Variants in MTUS2 observed in about 807,000 individuals in gnomAD.
The protein encoded by MTUS2 is microtubule-associated tumor suppressor candidate 2.
In MTUS2, 40 loss-of-function variants were observed where a neutral mutation model predicts 114.1. The ratio of observed to expected loss-of-function variants is 0.35; its 90% CI spans 0.27 to 0.46. The LOEUF is 0.46. MTUS2 is among the 20% of genes least tolerant of loss of function. MTUS2 has a pLI of 1.00. For missense variants in MTUS2, 1,679 were observed against 1,705.4 expected (o/e 0.98, Z 0.27); for synonymous variants, 688 against 672.0 (o/e 1.02, Z -0.37).
chr13:28,829,010 A>T lies in MTUS2; in HGVS notation c.-316+8399A>T, dbSNP rs74529029. Among the ~76,000 whole-genome samples the T allele has an allele frequency of 2.6e-5, 4 of 152,332 alleles. No individual in the cohort carries two copies. The East Asian group carries it at 7.7e-4, about 29-fold the overall frequency. ...ACACATCTGAATTATTGGAGTAAAG[A>T]CATTCTGAAAAGTCTCTCCTGCACA... On this transcript the variant is annotated intron_variant, in intron 1 of 15. Coordinates refer to ENST00000612955, the MANE Select transcript of MTUS2 (RefSeq NM_001033602.4).
At chr13:28,873,847 A>G (rs940975965) in intron 2 of MTUS2, among the ~76,000 whole-genome samples, 4 of 152,220 alleles carry the variant, frequency 2.6e-5, no homozygotes, top group Admixed American at 2.6e-4. Flanking sequence ...AAAATTGATT[A>G]TTTTTACAAA....
At chr13:29,347,142 A>G (rs1868777814) in intron 7 of MTUS2, among the ~76,000 whole-genome samples, 2 of 152,076 alleles carry the variant, frequency 1.3e-5, no homozygotes, top group South Asian at 4.2e-4. Flanking sequence ...TGCTCTGTCC[A>G]TCTGAATGGG....
At chr13:28,878,876 T>C (rs534180740) in intron 2 of MTUS2, among the ~76,000 whole-genome samples, 1 of 152,308 alleles carries the variant, frequency 6.6e-6, no homozygotes, top group East Asian at 1.9e-4. Context: ...CAAATGGTAT[T>C]CTGGTTCTAG....
chr13:29,360,511 TA>T (rs1245582512), intron 8 of MTUS2, among the ~76,000 whole-genome samples: 1 of 152,184 alleles, frequency 6.6e-6, no homozygotes, highest in African/African-American at 2.4e-5. Flanking sequence ...GTTGTGGTAT[TA>T]AATGACAAGA....
intron 7 of MTUS2, among the ~76,000 whole-genome samples, chr13:29,351,620 T>C (rs1593337418): frequency 6.6e-6 from 1 of 152,200 alleles, no homozygotes; most frequent in Non-Finnish European, 1.5e-5. Context: ...GTTTGTTTTT[T>C]TGAGACAGGG....
At chr13:29,442,634 A>ACATGGTATTCCC (rs11273920) in intron 9 of MTUS2, among the ~76,000 whole-genome samples, 2 of 152,152 alleles carry the variant, frequency 1.3e-5, no homozygotes, top group African/African-American at 4.8e-5. Context: ...CCAAACCAGC[A>ACATGGTATTCCC]CAGGGAGGCA....
intron 2 of MTUS2, among the ~76,000 whole-genome samples, chr13:29,009,401 C>G (rs1885741460): frequency 6.6e-6 from 1 of 151,540 alleles, no homozygotes; most frequent in Non-Finnish European, 1.5e-5. Flanking sequence ...AATGATATAT[C>G]AAAAATATTA....
chr13:29,382,556 A>C (rs1872294944), intron 8 of MTUS2, among the ~76,000 whole-genome samples: 1 of 152,184 alleles, frequency 6.6e-6, no homozygotes, highest in Non-Finnish European at 1.5e-5. Context: ...AAGTTTACGA[A>C]CTGAGTTCTT....
chr13:28,820,963 C>G (rs559424727), intron 1 of MTUS2, among the ~76,000 whole-genome samples: 19 of 152,252 alleles, frequency 1.2e-4, no homozygotes, highest in African/African-American at 4.6e-4. Context: ...TTATTTCCTT[C>G]AAGCTTTATA....
intron 4 of MTUS2, among the ~76,000 whole-genome samples, chr13:29,066,450 G>A (rs1183341150): frequency 1.3e-5 from 2 of 152,214 alleles, no homozygotes; most frequent in Admixed American, 6.5e-5. Flanking sequence ...GTCCTGAGAT[G>A]TTTTGGAGCA....
At chr13:29,338,355 G>A (rs1016302996) in intron 7 of MTUS2, among the ~76,000 whole-genome samples, 3 of 152,108 alleles carry the variant, frequency 2.0e-5, no homozygotes, top group Non-Finnish European at 2.9e-5. Context: ...GGGAGGCCCA[G>A]GCAGATGGAT....
At chr13:29,199,996 C>T (rs1042125143) in intron 5 of MTUS2, among the ~76,000 whole-genome samples, 2 of 151,986 alleles carry the variant, frequency 1.3e-5, no homozygotes, top group African/African-American at 4.8e-5. Flanking sequence ...TGAGTATTCT[C>T]GGATAGTAGT....
chr13:29,269,648 C>T (rs1897801557), intron 5 of MTUS2, among the ~76,000 whole-genome samples: 1 of 152,078 alleles, frequency 6.6e-6, no homozygotes, highest in South Asian at 2.1e-4. Flanking sequence ...GAAAACAGTT[C>T]ACTGGTTCCT....
intron 4 of MTUS2, among the ~76,000 whole-genome samples, chr13:29,052,536 G>A (rs907447545): frequency 1.3e-5 from 2 of 151,062 alleles, no homozygotes; most frequent in Middle Eastern, 3.5e-3. Context: ...TCCTAAAGAA[G>A]CAAGGGCAAG....
intron 6 of MTUS2, among the ~76,000 whole-genome samples, chr13:29,307,940 T>C (rs571806626): frequency 1.4e-4 from 22 of 152,244 alleles, no homozygotes; most frequent in Non-Finnish European, 2.5e-4. Flanking sequence ...GAGCCCCACC[T>C]TGTCATGTAC....
At chr13:29,020,836 A>T (rs1294664841) in intron 2 of MTUS2, among the ~76,000 whole-genome samples, 1 of 125,910 alleles carries the variant, frequency 7.9e-6, no homozygotes, top group African/African-American at 3.2e-5. Context: ...TCATTTCCTT[A>T]CCAGGACGTG....
At chr13:28,958,188 A>C (rs1883160409) in intron 2 of MTUS2, among the ~76,000 whole-genome samples, 1 of 152,192 alleles carries the variant, frequency 6.6e-6, no homozygotes, top group Non-Finnish European at 1.5e-5. Flanking sequence ...AGTAGTTTGG[A>C]ATCCTCAGCT....
At chr13:28,942,427 T>C (rs1166987469) in intron 2 of MTUS2, among the ~76,000 whole-genome samples, 1 of 152,268 alleles carries the variant, frequency 6.6e-6, no homozygotes, top group East Asian at 1.9e-4. Flanking sequence ...TTAAATATTA[T>C]TTGCATGCCT....
At chr13:29,171,451 T>C (rs1249382635) in intron 5 of MTUS2, among the ~76,000 whole-genome samples, 1 of 152,120 alleles carries the variant, frequency 6.6e-6, no homozygotes, top group East Asian at 1.9e-4. Context: ...TCAGCAGTAA[T>C]GAGACCTCAC....
Sources: allele counts gnomAD v4.1 joint callset (sites outside exome capture counted in the v4.1 genomes callset), GRCh38; gene constraint gnomAD v4.1.1; transcripts MANE v1.5; gene names NCBI Gene and HGNC (gene_info 2026-07-23, HGNC 2026-07-21).